The following TENM4 variants were observed in gnomAD, a reference collection of about 807,000 sequenced individuals.
TENM4 encodes teneurin transmembrane protein 4, also known as teneurin-4.
In TENM4, 82 loss-of-function variants were observed where a neutral mutation model predicts 243.3. The observed-to-expected ratio is 0.34, with a 90% CI of 0.28 to 0.40. The LOEUF (loss-of-function observed/expected upper bound fraction) is 0.40. Among genes scored for constraint, TENM4 ranks in the 10% least tolerant of loss-of-function variants. TENM4 has a pLI of 1.00. For missense variants in TENM4, 3,138 were observed against 3,673.3 expected, an observed-to-expected ratio of 0.85 and a Z score of 3.77; for synonymous variants, 1,412 against 1,456.3, an observed-to-expected ratio of 0.97 and a Z score of 0.69.
At chr11:78,974,368 C>T (rs1240487255) in intron 6 of TENM4, among the ~76,000 whole-genome samples, 2 of 152,294 alleles carry the variant, frequency 1.3e-5, no homozygotes, top group East Asian at 3.9e-4. Flanking sequence ...AGCCATCACC[C>T]TCATTTTATA....
At chr11:79,121,137 G>A (rs760018717) in intron 4 of TENM4, among the ~76,000 whole-genome samples, 4 of 152,126 alleles carry the variant, frequency 2.6e-5, no homozygotes, top group Non-Finnish European at 5.9e-5. Flanking sequence ...CACACAATGA[G>A]CTCTGGAGGA....
At chr11:78,713,847 A>C (rs1019111263) in intron 25 of TENM4, among the ~76,000 whole-genome samples, 1 of 152,062 alleles carries the variant, frequency 6.6e-6, no homozygotes, top group African/African-American at 2.4e-5. Context: ...AATTTCTTTC[A>C]AGTCTAGGGC....
chr11:79,104,480 G>A (rs1261974307), intron 4 of TENM4, among the ~76,000 whole-genome samples: 1 of 152,090 alleles, frequency 6.6e-6, no homozygotes, highest in East Asian at 1.9e-4. Context: ...TTTCTAATCT[G>A]CTTCCCCACC....
intron 1 of TENM4, among the ~76,000 whole-genome samples, chr11:79,365,504 C>A (rs1022238984): frequency 6.6e-6 from 1 of 152,202 alleles, no homozygotes; most frequent in Non-Finnish European, 1.5e-5. Context: ...CCACAAGAGG[C>A]TGACCCCTGC....
chr11:78,943,867 A>G (rs925249214), intron 6 of TENM4, among the ~76,000 whole-genome samples: 1 of 152,236 alleles, frequency 6.6e-6, no homozygotes, highest in Non-Finnish European at 1.5e-5. Context: ...CATGTATTTT[A>G]GTAACAACAA....
At chr11:79,080,222 T>C (rs1208599718) in intron 4 of TENM4, among the ~76,000 whole-genome samples, 1 of 152,192 alleles carries the variant, frequency 6.6e-6, no homozygotes, top group Admixed American at 6.5e-5. Flanking sequence ...CGTTCCCTCT[T>C]TCCCATCCAA....
At chr11:79,415,776 G>A (rs1264332111) in intron 1 of TENM4, among the ~76,000 whole-genome samples, 1 of 152,076 alleles carries the variant, frequency 6.6e-6, no homozygotes, top group Non-Finnish European at 1.5e-5. Flanking sequence ...TGTTTAAATT[G>A]CACAACCTGA....
intron 28 of TENM4, among the ~76,000 whole-genome samples, chr11:78,699,743 T>C (rs1859060219): frequency 6.6e-6 from 1 of 152,174 alleles, no homozygotes; most frequent in African/African-American, 2.4e-5. Context: ...CTGGTAGAAG[T>C]GTAGGAAACC....
chr11:79,159,962 A>G (rs1862706488), intron 3 of TENM4, among the ~76,000 whole-genome samples: 1 of 151,950 alleles, frequency 6.6e-6, no homozygotes, highest in African/African-American at 2.4e-5. Context: ...TTTCTTGTTG[A>G]TTTATTTATT....
chr11:78,658,746 T>C lies in TENM4; in HGVS notation c.7622A>G (p.Gln2541Arg). Residue 2541 changes from glutamine to arginine, a missense_variant, in exon 34 of 34, where the codon CAG becomes CGG. Transcript: ENST00000278550. ...KAFVTLERFD[Q>R]LYGSTITSCQ... ...GCTGGTGATTGTGGAGCCATAGAGCTGGTCAAACCGTTCTAAGGTGACAAA... is the reference window on the plus strand; with the variant it reads ...GCTGGTGATTGTGGAGCCATAGAGCCGGTCAAACCGTTCTAAGGTGACAAA... 2 of 1,614,036 alleles carry C rather than the reference T, an allele frequency of 1.2e-6. No individual in the cohort carries two copies. Among genetic ancestry groups the C allele is most frequent in the Non-Finnish European group, 1.7e-6 (2 of 1,179,902 alleles).
At chr11:78,922,100 G>A (rs2136389698) in intron 6 of TENM4, among the ~76,000 whole-genome samples, 1 of 152,324 alleles carries the variant, frequency 6.6e-6, no homozygotes, top group African/African-American at 2.4e-5. Context: ...CAGTGCCCAG[G>A]AGAAGGCAAT....
Position 79,228,147 on chromosome 11 carries a change from A to G in TENM4, c.-264-12238T>C, listed in dbSNP as rs191012247. On this transcript the variant is annotated intron_variant, in intron 2 of 33. Coordinates refer to ENST00000278550, the MANE Select transcript of TENM4 (RefSeq NM_001098816.3). ...GGGACTGAGAAAGAGACAAGGGCAA[A>G]ATAAAGCCCACTAGAAATGAAGGGA... is the stretch of plus-strand genomic sequence containing the variant. Among the ~76,000 whole-genome samples the G allele has an allele frequency of 1.8e-4, 28 of 152,284 alleles. No individual in the cohort carries two copies. The East Asian group carries it at 4.8e-3, about 26-fold the overall frequency.
rs537990036 is a variant in TENM4 at position 78,761,559 on chromosome 11, G to A, written c.2540-4538C>T. Among the ~76,000 whole-genome samples the A allele has an allele frequency of 2.8e-4, 42 of 152,214 alleles. No homozygotes were observed. In the South Asian group the frequency reaches 8.1e-3, roughly 29 times the overall value. On this transcript the variant is annotated intron_variant, in intron 18 of 33. Transcript: ENST00000278550. ...TGGCCCAGGGTGGTTTTCTGATTAC[G>A]TCAGCTGGCCACCTCAAGGGTACCA...
At chr11:79,023,575 A>T (rs1040925140) in intron 6 of TENM4, among the ~76,000 whole-genome samples, 3 of 151,864 alleles carry the variant, frequency 2.0e-5, no homozygotes, top group Non-Finnish European at 4.4e-5. Flanking sequence ...AAAAAAAAAA[A>T]AATCATGATG....
chr11:78,653,591 A>G lies in TENM4; in HGVS notation c.*4467T>C, dbSNP rs1857821617. 6.6e-6 allele frequency: 1 copy of G among 152,308 alleles called. No individual in the cohort carries two copies. Among genetic ancestry groups the G allele is most frequent in the Non-Finnish European group, 1.5e-5 (1 of 68,092 alleles). 9.4% of individuals were successfully genotyped at this position (152,308 alleles called of 1,614,324 possible). ...CTGCGGGTTCAGAGGTGCTCAGAAC[A>G]ACAGGTGGATTTAGAAAAGTGGGAT... On this transcript the variant is annotated 3_prime_UTR_variant, in exon 34 of 34. Coordinates refer to ENST00000278550, the MANE Select transcript of TENM4 (RefSeq NM_001098816.3).
chr11:78,668,319 A>G (rs1858212512), intron 32 of TENM4, among the ~76,000 whole-genome samples: 1 of 151,898 alleles, frequency 6.6e-6, no homozygotes, highest in South Asian at 2.1e-4. Flanking sequence ...TCTAGGGTTT[A>G]TAATACACAT....
At chr11:79,356,229 G>A (rs960222298) in intron 1 of TENM4, among the ~76,000 whole-genome samples, 1 of 152,182 alleles carries the variant, frequency 6.6e-6, no homozygotes, top group Non-Finnish European at 1.5e-5. Context: ...CAAGAGTGTG[G>A]GGTAGTGGTC....
chr11:79,030,264 C>CAT (rs1010942296), intron 6 of TENM4, among the ~76,000 whole-genome samples: 5 of 152,092 alleles, frequency 3.3e-5, no homozygotes, highest in South Asian at 2.1e-4. Context: ...ATATTATCCT[C>CAT]ATATATATAA....
At chr11:78,966,093 C>T (rs1443349309) in intron 6 of TENM4, among the ~76,000 whole-genome samples, 1 of 151,582 alleles carries the variant, frequency 6.6e-6, no homozygotes, top group Non-Finnish European at 1.5e-5. Flanking sequence ...GCCAGATTGC[C>T]TACATTTGAA....
Sources: gnomAD v4.1 joint callset for allele counts (sites outside exome capture counted in the v4.1 genomes callset) on GRCh38, gnomAD v4.1.1 for gene constraint, MANE v1.5 for transcripts, NCBI Gene and HGNC (gene_info 2026-07-23, HGNC 2026-07-21) for gene names.